Variants in MNAT1 observed in about 807,000 individuals in gnomAD.
MNAT1 encodes CDK-activating kinase assembly factor MAT1.
In MNAT1, 43 loss-of-function variants were observed where a neutral mutation model predicts 42.0. The observed-to-expected ratio is 1.02, with a 90% CI of 0.80 to 1.32. The LOEUF is 1.32. Among genes scored for constraint, MNAT1 ranks in the 40% most tolerant of loss-of-function variants. The probability of loss-of-function intolerance (pLI) is 0.00; values close to 1 mark genes in which losing one functional copy is unlikely to be tolerated. For synonymous variants in MNAT1, 118 were observed against 120.0 expected, an observed-to-expected ratio of 0.98 and a Z score of 0.11; for missense variants, 306 against 350.4, an observed-to-expected ratio of 0.87 and a Z score of 1.01.
intron 7 of MNAT1, among the ~76,000 whole-genome samples, chr14:60,947,014 G>T (rs969505844): frequency 5.3e-5 from 8 of 152,100 alleles, no homozygotes; most frequent in Non-Finnish European, 8.8e-5. Flanking sequence ...TCTTGTAAGG[G>T]CATTAATATA....
chr14:60,929,170 A>AAATATAT (rs1555336771), intron 7 of MNAT1, among the ~76,000 whole-genome samples: 7 of 47,460 alleles, frequency 1.5e-4, no homozygotes, highest in East Asian at 1.4e-3. Context: ...AAAAAAAAAA[A>AAATATAT]ATATATATAT....
chr14:60,735,401 T>C (rs1339588029), intron 1 of MNAT1, among the ~76,000 whole-genome samples: 2 of 152,228 alleles, frequency 1.3e-5, no homozygotes, highest in African/African-American at 4.8e-5. Flanking sequence ...TAAAAAACCC[T>C]GTGTGTATGC....
intron 6 of MNAT1, among the ~76,000 whole-genome samples, chr14:60,875,054 T>C (rs537396669): frequency 1.3e-5 from 2 of 152,248 alleles, no homozygotes; most frequent in South Asian, 4.1e-4. Context: ...TTATGAACTT[T>C]GTCTTATCGT....
intron 6 of MNAT1, among the ~76,000 whole-genome samples, chr14:60,862,409 A>G (rs917911128): frequency 6.6e-6 from 1 of 152,252 alleles, no homozygotes; most frequent in African/African-American, 2.4e-5. Flanking sequence ...GTAAAAGATT[A>G]TACTTGGCTG....
intron 1 of MNAT1, among the ~76,000 whole-genome samples, chr14:60,776,085 A>G (rs191806210): frequency 3.3e-5 from 5 of 152,346 alleles, no homozygotes; most frequent in African/African-American, 1.2e-4. Context: ...ATCAGGTGGA[A>G]CAACAGTGGA....
intron 7 of MNAT1, among the ~76,000 whole-genome samples, chr14:60,934,169 A>G (rs1015317303): frequency 6.6e-6 from 1 of 152,218 alleles, no homozygotes; most frequent in Non-Finnish European, 1.5e-5. Flanking sequence ...TGTTCTTCCA[A>G]GAGCAACTTA....
At chr14:60,848,611 G>A (rs2033738145) in intron 6 of MNAT1, among the ~76,000 whole-genome samples, 1 of 151,734 alleles carries the variant, frequency 6.6e-6, no homozygotes, top group Non-Finnish European at 1.5e-5. Flanking sequence ...TAATTTTTTT[G>A]TTTTACTTCA....
At chr14:60,771,626 G>A (rs1487957608) in intron 1 of MNAT1, among the ~76,000 whole-genome samples, 1 of 152,124 alleles carries the variant, frequency 6.6e-6, no homozygotes, top group African/African-American at 2.4e-5. Flanking sequence ...TCATTCTCCA[G>A]CTTCTCTGAT....
chr14:60,879,564 A>G (rs2034502781), intron 6 of MNAT1, 150 bp from the exon 7 acceptor site: 3 of 633,316 alleles, frequency 4.7e-6, no homozygotes, highest in African/African-American at 1.8e-5. Flanking sequence ...GGTTTTGGTT[A>G]TGCTGCAATG....
chr14:60,780,557 A>T, intron 1 of MNAT1: 1 of 1,531,796 alleles, frequency 6.5e-7, no homozygotes, highest in Non-Finnish European at 9.0e-7. Context: ...CCACAAAGTA[A>T]ATAGCATGGT....
intron 7 of MNAT1, among the ~76,000 whole-genome samples, chr14:60,904,583 CTGT>C (rs1303629493): frequency 2.0e-5 from 3 of 152,192 alleles, no homozygotes; most frequent in Non-Finnish European, 2.9e-5. Flanking sequence ...CTGAATGAGG[CTGT>C]TTAGTCTAGA....
intron 7 of MNAT1, among the ~76,000 whole-genome samples, chr14:60,899,910 C>T (rs1304839483): frequency 6.7e-6 from 1 of 150,286 alleles, no homozygotes; most frequent in Non-Finnish European, 1.5e-5. Context: ...ATGATTTTAT[C>T]TGTGTGGTGA....
chr14:60,944,608 A>G (rs559226891), intron 7 of MNAT1, among the ~76,000 whole-genome samples: 35 of 152,172 alleles, frequency 2.3e-4, no homozygotes, highest in African/African-American at 6.7e-4. Flanking sequence ...TCAAACATTT[A>G]ATGTTAAATC....
At chr14:60,843,512 C>T (rs1024661136) in intron 6 of MNAT1, among the ~76,000 whole-genome samples, 17 of 151,986 alleles carry the variant, frequency 1.1e-4, no homozygotes, top group Non-Finnish European at 2.5e-4. Context: ...CCTCGTGATC[C>T]GCCTGTCTCG....
At position 60,736,727 on chromosome 14, in the gene MNAT1, C is replaced by T. The variant is rs148980215; in HGVS notation, c.89+1776C>T. 1.6e-4 allele frequency among the ~76,000 whole-genome samples: 25 copies of T among 152,260 alleles called. 1 individual carries two copies. The East Asian group carries it at 3.9e-3, about 23-fold the overall frequency. ...TCTGTGGCCTTAGGGAAATGACTAACTCTTTGTTAGCCGTTCTTCTTGTTG... is the reference window on the plus strand; with the variant it reads ...TCTGTGGCCTTAGGGAAATGACTAATTCTTTGTTAGCCGTTCTTCTTGTTG... On this transcript the variant is annotated intron_variant, in intron 1 of 7. Transcript: ENST00000261245.
chr14:60,889,837 AAC>A (rs1203389392), intron 7 of MNAT1, among the ~76,000 whole-genome samples: 2 of 152,232 alleles, frequency 1.3e-5, no homozygotes, highest in Non-Finnish European at 2.9e-5. Context: ...GCAGCCAAAA[AAC>A]ACATGAAAAA....
chr14:60,841,874 T>C (rs78004690), intron 6 of MNAT1, among the ~76,000 whole-genome samples: 3,167 of 152,366 alleles, frequency 0.021, 46 homozygotes, highest in Non-Finnish European at 0.031. Flanking sequence ...TGATGCCATA[T>C]GTATTTATTG....
intron 6 of MNAT1, among the ~76,000 whole-genome samples, chr14:60,835,256 G>A (rs1222436223): frequency 6.6e-6 from 1 of 151,998 alleles, no homozygotes; most frequent in Non-Finnish European, 1.5e-5. Context: ...TTACATTTAC[G>A]ATTAACATTG....
chr14:60,752,404 T>G (rs1322782434), intron 1 of MNAT1, among the ~76,000 whole-genome samples: 1 of 152,222 alleles, frequency 6.6e-6, no homozygotes, highest in Non-Finnish European at 1.5e-5. Context: ...ATTTTAAGCA[T>G]GTCTATTATG....
Sources: allele counts gnomAD v4.1 joint callset (sites outside exome capture counted in the v4.1 genomes callset), GRCh38; gene constraint gnomAD v4.1.1; transcripts MANE v1.5; gene names NCBI Gene and HGNC (gene_info 2026-07-23, HGNC 2026-07-21).